The following CIT variants were observed in gnomAD, a reference collection of about 807,000 sequenced individuals.
CIT encodes the protein citron rho-interacting serine/threonine kinase, also known as citron Rho-interacting kinase.
A neutral mutation model predicts 272.7 loss-of-function variants in CIT; 79 were observed. The ratio of observed to expected loss-of-function variants is 0.29; its 90% CI spans 0.24 to 0.35. The LOEUF (loss-of-function observed/expected upper bound fraction) is 0.35, where lower values mean the gene tolerates loss of function less well. CIT is among the 10% of genes least tolerant of loss of function. The probability of loss-of-function intolerance (pLI) is 1.00; values close to 1 mark genes in which losing one functional copy is unlikely to be tolerated. For missense variants in CIT, 1,909 were observed against 2,618.3 expected (o/e 0.73, Z 5.91); for synonymous variants, 948 against 995.6 (o/e 0.95, Z 0.90).
At chr12:119,857,198 C>T (rs560362258) in intron 4 of CIT, among the ~76,000 whole-genome samples, 1 of 152,292 alleles carries the variant, frequency 6.6e-6, no homozygotes, top group African/African-American at 2.4e-5. Flanking sequence ...TTCACCCCAC[C>T]ATATGTATAT....
chr12:119,726,116 G>A (rs909643586), intron 28 of CIT, among the ~76,000 whole-genome samples: 1 of 152,032 alleles, frequency 6.6e-6, no homozygotes, highest in Non-Finnish European at 1.5e-5. Context: ...CATTTTTTAA[G>A]TGTATAGTTC....
At chr12:119,867,978 C>A (rs1365564293) in intron 3 of CIT, among the ~76,000 whole-genome samples, 10 of 152,090 alleles carry the variant, frequency 6.6e-5, no homozygotes. Context: ...CCTGTAATCC[C>A]AAAGCTTTGG....
intron 26 of CIT, among the ~76,000 whole-genome samples, chr12:119,731,295 T>C (rs1031786108): frequency 2.0e-5 from 3 of 151,430 alleles, no homozygotes; most frequent in Admixed American, 1.3e-4. Context: ...GCCAACATGG[T>C]GAAACCCCGT....
intron 10 of CIT, among the ~76,000 whole-genome samples, chr12:119,791,561 T>G (rs536500295): frequency 6.6e-6 from 1 of 152,264 alleles, no homozygotes; most frequent in East Asian, 1.9e-4. Flanking sequence ...TAAAAGAACA[T>G]GCAGCCTGCC....
intron 5 of CIT, among the ~76,000 whole-genome samples, chr12:119,848,645 G>T (rs1212055977): frequency 6.6e-6 from 1 of 152,176 alleles, no homozygotes; most frequent in Non-Finnish European, 1.5e-5. Context: ...GGATACACTG[G>T]TGAAAGGCAA....
chr12:119,777,981 GA>G (rs1321578005), intron 13 of CIT, among the ~76,000 whole-genome samples: 5 of 152,174 alleles, frequency 3.3e-5, no homozygotes, highest in Non-Finnish European at 7.3e-5. Context: ...AATCTCAGTG[GA>G]AAGAATTCTG....
At chr12:119,727,673 C>T (rs1958186896) in intron 28 of CIT, among the ~76,000 whole-genome samples, 1 of 152,162 alleles carries the variant, frequency 6.6e-6, no homozygotes, top group South Asian at 2.1e-4. Flanking sequence ...GCCTGTAACC[C>T]CAACACTTTG....
intron 9 of CIT, among the ~76,000 whole-genome samples, chr12:119,811,037 G>A (rs1276027388): frequency 6.6e-6 from 1 of 152,080 alleles, no homozygotes; most frequent in Non-Finnish European, 1.5e-5. Flanking sequence ...TATATACGAA[G>A]TTCAAGACCG....
At chr12:119,721,198 C>T (rs1957800883) in intron 29 of CIT, 111 bp downstream of exon 29, 5 of 911,566 alleles carry the variant, frequency 5.5e-6, no homozygotes, top group African/African-American at 1.7e-5. Context: ...AACTCCTGAC[C>T]TCAAGTAATC....
At chr12:119,759,611 A>T (rs1593628127) in intron 20 of CIT, among the ~76,000 whole-genome samples, 1 of 151,974 alleles carries the variant, frequency 6.6e-6, no homozygotes, top group Non-Finnish European at 1.5e-5. Flanking sequence ...GCGCCACTGC[A>T]CTCCAGCCTG....
chr12:119,712,336 T>C lies in CIT; in HGVS notation c.4696A>G (p.Ile1566Val). Residue 1566 changes from isoleucine (I) to valine (V), a missense_variant, in exon 37 of 48, where the codon ATA (isoleucine) becomes GTA (valine). By Grantham distance (29) the Ile-to-Val change is conservative. Coordinates refer to ENST00000392521, the MANE Select transcript of CIT (RefSeq NM_001206999.2). The surrounding 1 kb of genome is among the most constrained non-coding windows in gnomAD (Gnocchi z 5.2). ...ANTAKADVPY[I>V]LKMESHPHTT... Reference sequence around the variant, plus strand: ...TGCGGGTGAGATTCCATCTTCAGTATGTATGGGACATCTAGGAGATTTCAG... The same window carrying C: ...TGCGGGTGAGATTCCATCTTCAGTACGTATGGGACATCTAGGAGATTTCAG... The C allele has an allele frequency of 6.2e-7, 1 of 1,611,126 alleles. No individual in the cohort carries two copies. The highest frequency in any genetic ancestry group is 1.1e-5 in the South Asian group (1 of 90,650).
intron 9 of CIT, among the ~76,000 whole-genome samples, chr12:119,821,132 C>T (rs1176044490): frequency 3.3e-5 from 5 of 151,572 alleles, no homozygotes; most frequent in South Asian, 2.1e-4. Flanking sequence ...CCTGTTTCTA[C>T]GAAAAATAGA....
chr12:119,767,007 G>A, intron 19 of CIT, 80 bp downstream of exon 19: 2 of 983,694 alleles, frequency 2.0e-6, no homozygotes, highest in South Asian at 5.4e-5. Flanking sequence ...AGCAAGAAAT[G>A]GCCACAAGGG....
At chr12:119,876,008 G>T in intron 2 of CIT, 65 bp downstream of exon 2, 1 of 971,120 alleles carries the variant, frequency 1.0e-6, no homozygotes, top group South Asian at 1.4e-5. Context: ...TAAAAGCAAA[G>T]GTGAGTGACA....
At chr12:119,700,628 G>A (rs545224536) in intron 44 of CIT, 117 bp downstream of exon 44, 61 of 826,226 alleles carry the variant, frequency 7.4e-5, no homozygotes, top group African/African-American at 6.6e-4. Context: ...TGATCCACCC[G>A]CCTCGGCCTC....
At position 119,718,926 on chromosome 12, in the gene CIT, A is replaced by C; in HGVS notation, c.3841-65T>G. On this transcript the variant is annotated intron_variant, in intron 30 of 47. Coordinates refer to ENST00000392521, the MANE Select transcript of CIT (RefSeq NM_001206999.2). The surrounding 1 kb of genome is among the most constrained non-coding windows in gnomAD (Gnocchi z 4.8). ...CTGGCACTTGAAACTAGCTAAAGGA[A>C]ATCTGACTCGGGAGGAGCAAACCAC... The C allele has an allele frequency of 6.5e-7, 1 of 1,548,044 alleles. No homozygotes were observed.
At chr12:119,846,695 G>A (rs967662749) in intron 5 of CIT, among the ~76,000 whole-genome samples, 6 of 152,134 alleles carry the variant, frequency 3.9e-5, no homozygotes, top group African/African-American at 1.4e-4. Flanking sequence ...CTTGGGGCCA[G>A]GAGTTCGAAA....
intron 2 of CIT, among the ~76,000 whole-genome samples, chr12:119,874,063 C>G (rs549689836): frequency 2.6e-5 from 4 of 151,648 alleles, no homozygotes; most frequent in African/African-American, 9.7e-5. Flanking sequence ...TTTTTGTTTT[C>G]TTTTGTTTTG....
At chr12:119,839,368 C>T (rs893415987) in intron 5 of CIT, among the ~76,000 whole-genome samples, 1 of 152,178 alleles carries the variant, frequency 6.6e-6, no homozygotes, top group Admixed American at 6.5e-5. Context: ...CTAGCCACCT[C>T]TTAGAAATGT....
Sources: allele counts gnomAD v4.1 joint callset (sites outside exome capture counted in the v4.1 genomes callset), GRCh38; gene constraint gnomAD v4.1.1; non-coding constraint Gnocchi (gnomAD v3.1); transcripts MANE v1.5; gene names NCBI Gene and HGNC (gene_info 2026-07-23, HGNC 2026-07-21).